The following SSH1 variants were observed in gnomAD, a reference collection of about 807,000 sequenced individuals.
The protein encoded by SSH1 is slingshot protein phosphatase 1, also known as protein phosphatase Slingshot homolog 1.
A neutral mutation model predicts 79.7 loss-of-function variants in SSH1; 43 were observed. The ratio of observed to expected loss-of-function variants is 0.54; its 90% CI spans 0.42 to 0.70. SSH1 has a LOEUF of 0.70. Ranked by LOEUF, SSH1 falls within the 30% of genes least tolerant of loss-of-function variation. The pLI, the probability that SSH1 is intolerant of heterozygous loss-of-function variation, is 0.00. For missense variants in SSH1, 1,206 were observed against 1,358.8 expected (o/e 0.89, Z 1.77); for synonymous variants, 599 against 538.3 (o/e 1.11, Z -1.56).
intron 5 of SSH1, among the ~76,000 whole-genome samples, chr12:108,813,413 G>A (rs925263398): frequency 1.3e-5 from 2 of 151,910 alleles, no homozygotes; most frequent in East Asian, 3.9e-4. Flanking sequence ...TTCCCAATCC[G>A]AATCGAAAAC....
Position 108,787,665 on chromosome 12 carries a change from G to T in SSH1, c.*323C>A. ...AGGACTCTTCTGCAGGATGCGAAGG[G>T]AACAGTCTGGATGTGTGCGCCTATG... On this transcript the variant is annotated 3_prime_UTR_variant, in exon 15 of 15. Transcript: ENST00000326495. 1 of 381,370 alleles carries T rather than the reference G, an allele frequency of 2.6e-6. No individual in the cohort carries two copies. The highest frequency in any genetic ancestry group is 5.9e-5 in the East Asian group (1 of 16,834). 23.6% of individuals were successfully genotyped at this position (381,370 alleles called of 1,614,324 possible).
At chr12:108,827,345 T>C (rs1378278497) in intron 2 of SSH1, 5 of 1,549,906 alleles carry the variant, frequency 3.2e-6, no homozygotes, top group Non-Finnish European at 4.4e-6. Context: ...TAAAAGAGGT[T>C]CGTGGCTGCA....
At chr12:108,790,020 G>A (rs1454854558) in intron 14 of SSH1, among the ~76,000 whole-genome samples, 6 of 151,970 alleles carry the variant, frequency 3.9e-5, no homozygotes, top group Admixed American at 3.9e-4. Context: ...ACCTCCTTAT[G>A]TCCTTGCCCC....
At chr12:108,832,075 T>G (rs2038487487) in intron 2 of SSH1, among the ~76,000 whole-genome samples, 1 of 152,158 alleles carries the variant, frequency 6.6e-6, no homozygotes, top group East Asian at 1.9e-4. Flanking sequence ...ATTTTTACAA[T>G]CCCATTCCCC....
At chr12:108,797,688 G>A (rs1423399735) in intron 13 of SSH1, among the ~76,000 whole-genome samples, 1 of 152,120 alleles carries the variant, frequency 6.6e-6, no homozygotes, top group Non-Finnish European at 1.5e-5. Flanking sequence ...GCAGAGAGGT[G>A]GCTTGACCTC....
At chr12:108,816,531 G>A (rs1341347700) in intron 5 of SSH1, among the ~76,000 whole-genome samples, 1 of 152,162 alleles carries the variant, frequency 6.6e-6, no homozygotes, top group Non-Finnish European at 1.5e-5. Flanking sequence ...GAAATTACAA[G>A]CTACACTTCA....
chr12:108,799,837 A>G (rs1861995), intron 12 of SSH1, among the ~76,000 whole-genome samples: 152,334 of 152,342 alleles, frequency 1, 76,163 homozygotes, highest in Middle Eastern at 1. Flanking sequence ...GATATGGCCC[A>G]GGAGACAGTG....
chr12:108,792,853 A>G, intron 13 of SSH1, 24 bp from the exon 14 acceptor site: 1 of 1,612,308 alleles, frequency 6.2e-7, no homozygotes, highest in East Asian at 2.2e-5. Context: ...GGGTAGAGGA[A>G]GGTGAGGGGA....
intron 2 of SSH1, among the ~76,000 whole-genome samples, chr12:108,842,407 G>A (rs974325140): frequency 2.6e-5 from 4 of 152,184 alleles, no homozygotes; most frequent in East Asian, 1.9e-4. Context: ...CACCAGCCTC[G>A]TGGAACTGGT....
chr12:108,857,542 C>A lies in SSH1; in HGVS notation c.-46G>T. 9.9e-7 allele frequency: 1 copy of A among 1,007,480 alleles called. No individual in the cohort carries two copies. The highest frequency in any genetic ancestry group is 5.4e-5 in the Admixed American group (1 of 18,502). 62.4% of individuals were successfully genotyped at this position (1,007,480 alleles called of 1,614,324 possible). A position where few individuals can be genotyped will look rare whatever the true frequency, so the allele number is the denominator to read the frequency against. On this transcript the variant is annotated 5_prime_UTR_variant, in exon 1 of 15. Transcript: ENST00000326495. This position sits in a 1 kb window ranked among gnomAD's most constrained non-coding sequence, Gnocchi z 4.7. ...GCGCCACAGACGTCTCGAGCTAGAG[C>A]CGCCACCGCCACCGCCGCCCGGGCC...
At chr12:108,805,895 G>A (rs2037245782) in intron 9 of SSH1, among the ~76,000 whole-genome samples, 1 of 152,114 alleles carries the variant, frequency 6.6e-6, no homozygotes, top group African/African-American at 2.4e-5. Context: ...AGGTCAAGCT[G>A]TCATCCTGTG....
At chr12:108,801,695 T>G (rs562772573) in intron 11 of SSH1, among the ~76,000 whole-genome samples, 110 of 150,702 alleles carry the variant, frequency 7.3e-4, no homozygotes, top group African/African-American at 2.6e-3. Context: ...AATGTCATCA[T>G]GTCAGGCCCA....
Position 108,814,838 on chromosome 12 carries a change from G to A in SSH1, c.401+2200C>T, listed in dbSNP as rs181872852. Among the ~76,000 whole-genome samples the A allele has an allele frequency of 3.8e-3, 574 of 152,358 alleles. 1 individual carries two copies. The highest frequency in any genetic ancestry group is 5.3e-3 in the Non-Finnish European group (362 of 68,030). On this transcript the variant is annotated intron_variant, in intron 5 of 14. Coordinates refer to ENST00000326495, the MANE Select transcript of SSH1 (RefSeq NM_018984.4). The stretch of plus-strand genomic sequence containing the variant: ...GTGCCGAGGGGAGGCAAAGGGAGGA[G>A]AGGGTGGGAAGGAAGAGCGCCATGG...
intron 5 of SSH1, among the ~76,000 whole-genome samples, chr12:108,814,168 G>A (rs1006246239): frequency 1.3e-5 from 2 of 152,110 alleles, no homozygotes; most frequent in African/African-American, 2.4e-5. Context: ...AGGTTGCAGT[G>A]AGCCAAGATC....
Position 108,807,061 on chromosome 12 carries a change from G to A in SSH1, c.731+572C>T, listed in dbSNP as rs1256548771. On this transcript the variant is annotated intron_variant, in intron 8 of 14. Coordinates refer to ENST00000326495, the MANE Select transcript of SSH1 (RefSeq NM_018984.4). This position sits in a 1 kb window ranked among gnomAD's most constrained non-coding sequence, Gnocchi z 5.2. ...ACTGTGGGAGCAGGGTCCTGACCCCGAGGGGAGGGGCGACCAGCATTCTCC... is the reference window on the plus strand; with the variant it reads ...ACTGTGGGAGCAGGGTCCTGACCCCAAGGGGAGGGGCGACCAGCATTCTCC... 2.0e-5 allele frequency among the ~76,000 whole-genome samples: 3 copies of A among 152,318 alleles called. No homozygotes were observed. The highest frequency in any genetic ancestry group is 1.9e-4 in the East Asian group (1 of 5,178).
chr12:108,813,660 C>T (rs1397324672), intron 5 of SSH1, among the ~76,000 whole-genome samples: 1 of 144,884 alleles, frequency 6.9e-6, no homozygotes, highest in Non-Finnish European at 1.5e-5. Context: ...CTGCAATGAG[C>T]CTTGATTTCA....
rs1321200421 is a variant in SSH1 at position 108,806,342 on chromosome 12, T to C, written c.784A>G (p.Ile262Val). 5 of 1,614,080 alleles carry C rather than the reference T, an allele frequency of 3.1e-6. No homozygotes were observed. The East Asian group carries it at 8.9e-5, about 29-fold the overall frequency. The change falls in exon 9 of 15, where the codon ATC becomes GTC. Residue 262 changes from isoleucine to valine, a missense_variant. Ile to Val is a conservative substitution (Grantham distance 29). Coordinates refer to ENST00000326495, the MANE Select transcript of SSH1 (RefSeq NM_018984.4). ...TTTTCTAGATCCTGGCTCATCATGA[T>C]GCTTCGGAGCTTGGCTTTGATGAGG... ...ERLIKAKLRS[I>V]MMSQDLENVT... is the part of the protein sequence containing the mutation.
chr12:108,807,517 A>AG lies in SSH1; in HGVS notation c.731+115dup, dbSNP rs2037343910. ...CTGAGAAAGCTAGGGTTCTCACTCA[A>AG]GGGACTCCAGGGGAGGTGTGGCCCA... is the stretch of plus-strand genomic sequence containing the variant. On this transcript the variant is annotated intron_variant, in intron 8 of 14. Coordinates refer to ENST00000326495, the MANE Select transcript of SSH1 (RefSeq NM_018984.4). This position sits in a 1 kb window ranked among gnomAD's most constrained non-coding sequence, Gnocchi z 5.2. 4 of 952,742 alleles carry AG rather than the reference A, an allele frequency of 4.2e-6. No homozygotes were observed. The Admixed American group carries it at 7.7e-5, about 18-fold the overall frequency. The allele number at this position is 952,742 out of a possible 1,614,324, so 59.0% of individuals were successfully genotyped here.
chr12:108,811,930 T>C (rs2037628213), intron 5 of SSH1, among the ~76,000 whole-genome samples: 1 of 152,116 alleles, frequency 6.6e-6, no homozygotes, highest in Non-Finnish European at 1.5e-5. Flanking sequence ...AAAGTCGACT[T>C]GTGAGAAGCC....
Sources: allele counts gnomAD v4.1 joint callset (sites outside exome capture counted in the v4.1 genomes callset), GRCh38; gene constraint gnomAD v4.1.1; non-coding constraint Gnocchi (gnomAD v3.1); transcripts MANE v1.5; gene names NCBI Gene and HGNC (gene_info 2026-07-23, HGNC 2026-07-21).